Variants in IL1R1 observed in about 807,000 individuals in gnomAD.
IL1R1 encodes interleukin 1 receptor type 1.
A neutral mutation model predicts 50.2 loss-of-function variants in IL1R1; 22 were observed. The observed-to-expected ratio is 0.44, with a 90% CI of 0.31 to 0.63. The LOEUF is 0.63. Among genes scored for constraint, IL1R1 ranks in the 20% least tolerant of loss-of-function variants. IL1R1 has a pLI of 0.07. For synonymous variants in IL1R1, 251 were observed against 236.7 expected, an observed-to-expected ratio of 1.06 and a Z score of -0.55; for missense variants, 509 against 676.2, an observed-to-expected ratio of 0.75 and a Z score of 2.74.
chr2:102,088,783 T>C (rs1015182104), intron 1 of IL1R1, among the ~76,000 whole-genome samples: 1 of 152,246 alleles, frequency 6.6e-6, no homozygotes, highest in Admixed American at 6.5e-5. Context: ...TACCTAGATA[T>C]GTGTAACTTG....
At chr2:102,102,715 G>A (rs10779905), upstream of IL1R1, among the ~76,000 whole-genome samples, 130,427 of 152,134 alleles carry the variant, frequency 0.86, 56,286 homozygotes, top group East Asian at 0.96. Context: ...TCATTACATC[G>A]CTATTCTCAA....
intron 1 of IL1R1, among the ~76,000 whole-genome samples, chr2:102,147,881 G>A (rs796215152): frequency 2.6e-5 from 4 of 152,178 alleles, no homozygotes; most frequent in African/African-American, 9.6e-5. Context: ...TCATATCCTT[G>A]TGCATCCTCA....
At chr2:102,104,657 T>C (rs1019296) in exon 1 of IL1R1, 42,186 of 152,202 alleles carry the variant, frequency 0.28, 7,103 homozygotes, top group Non-Finnish European at 0.36. Flanking sequence ...AGCTGGGGCG[T>C]CCGGCAAGAT....
At chr2:102,170,973 G>A (rs1166698803) in intron 7 of IL1R1, among the ~76,000 whole-genome samples, 1 of 152,156 alleles carries the variant, frequency 6.6e-6, no homozygotes, top group Non-Finnish European at 1.5e-5. Flanking sequence ...AGGCATGAGA[G>A]TCACTTGAAC....
upstream of IL1R1, among the ~76,000 whole-genome samples, chr2:102,103,643 CTG>C (rs1199196312): frequency 1.3e-5 from 2 of 152,080 alleles, no homozygotes; most frequent in Non-Finnish European, 2.9e-5. Context: ...AGGCTGGACT[CTG>C]TATCATGTTG....
chr2:102,081,451 A>T (rs1458185716), intron 1 of IL1R1, among the ~76,000 whole-genome samples: 2 of 152,196 alleles, frequency 1.3e-5, no homozygotes, highest in Non-Finnish European at 2.9e-5. Context: ...GCCTGGCTCC[A>T]CGGTGGTTTC....
intron 1 of IL1R1, among the ~76,000 whole-genome samples, chr2:102,095,734 G>A (rs1416712966): frequency 1.3e-5 from 2 of 152,204 alleles, no homozygotes; most frequent in African/African-American, 2.4e-5. Flanking sequence ...GCCGGGCACG[G>A]TGGCTCACGC....
intron 1 of IL1R1, among the ~76,000 whole-genome samples, chr2:102,144,593 T>G (rs1682953994): frequency 6.6e-6 from 1 of 152,190 alleles, no homozygotes; most frequent in African/African-American, 2.4e-5. Flanking sequence ...TGCCAGGCAC[T>G]GTGGTGAGTG....
intron 1 of IL1R1, among the ~76,000 whole-genome samples, chr2:102,153,329 G>A (rs925233586): frequency 7.9e-5 from 12 of 152,292 alleles, no homozygotes; most frequent in East Asian, 1.9e-4. Context: ...AAAGTGCCAC[G>A]TGCATGTGTT....
Position 102,177,184 on chromosome 2 carries a change from TGAACCG to T in IL1R1, c.*427_*432del. 1 of 192,552 alleles carries T rather than the reference TGAACCG, an allele frequency of 5.2e-6. No homozygotes were observed. The highest frequency in any genetic ancestry group is 5.1e-4 in the Middle Eastern group (1 of 1,976). The allele number at this position is 192,552 out of a possible 1,614,324, so 11.9% of individuals were successfully genotyped here. Reference sequence around the variant, plus strand: ...CTGAGGCTGAGGCAGGAGAATTGCTTGAACCGGGGAGACGGAGGTTGCAGTGAGCCG... The same window carrying T: ...CTGAGGCTGAGGCAGGAGAATTGCTTGGGAGACGGAGGTTGCAGTGAGCCG... On this transcript the variant is annotated 3_prime_UTR_variant, in exon 12 of 12. Transcript: ENST00000410023.
intron 1 of IL1R1, among the ~76,000 whole-genome samples, chr2:102,118,593 T>G (rs1201608640): frequency 6.6e-6 from 1 of 152,218 alleles, no homozygotes; most frequent in African/African-American, 2.4e-5. Context: ...AGGTCTGTGC[T>G]AACTCCAGTT....
intron 1 of IL1R1, among the ~76,000 whole-genome samples, chr2:102,093,960 C>T (rs1042494266): frequency 2.0e-5 from 3 of 152,204 alleles, no homozygotes; most frequent in African/African-American, 7.2e-5. Flanking sequence ...TGCCTCCGTC[C>T]TGAGCTTCAC....
At chr2:102,157,916 G>C (rs1684343092) in intron 3 of IL1R1, 131 bp downstream of exon 3, 2 of 657,836 alleles carry the variant, frequency 3.0e-6, no homozygotes, top group Admixed American at 5.0e-5. Context: ...GAGCCTCCTG[G>C]TCATAGACCT....
At chr2:102,112,669 A>AGAAATGTAGTCATAAAACTT (rs1680837968) in intron 1 of IL1R1, among the ~76,000 whole-genome samples, 1 of 152,216 alleles carries the variant, frequency 6.6e-6, no homozygotes, top group African/African-American at 2.4e-5. Context: ...AGAAAAGTCT[A>AGAAATGTAGTCATAAAACTT]GAAATGTAGT....
intron 1 of IL1R1, among the ~76,000 whole-genome samples, chr2:102,111,684 AG>A (rs1332296403): frequency 3.3e-5 from 5 of 152,242 alleles, no homozygotes; most frequent in Non-Finnish European, 5.9e-5. Flanking sequence ...GAGAGCAGGA[AG>A]GGGACAGTGA....
chr2:102,119,192 G>A (rs1325868220), intron 1 of IL1R1, among the ~76,000 whole-genome samples: 3 of 152,286 alleles, frequency 2.0e-5, no homozygotes, highest in African/African-American at 4.8e-5. Flanking sequence ...GCTGACGTTA[G>A]GTGGTAACTT....
rs1685783406 is a variant in IL1R1 at position 102,172,572 on chromosome 2, T to C, written c.840-115T>C. On this transcript the variant is annotated intron_variant, in intron 8 of 11. Transcript: ENST00000410023. Reference sequence around the variant, plus strand: ...ATGTTGTGACTGTGATTGGGCAGGGTGATTATTTCAGTGGCAATTTTGTCA... The same window carrying C: ...ATGTTGTGACTGTGATTGGGCAGGGCGATTATTTCAGTGGCAATTTTGTCA... 3 of 1,076,250 alleles carry C rather than the reference T, an allele frequency of 2.8e-6. No homozygotes were observed. The South Asian group carries it at 6.8e-5, about 24-fold the overall frequency. The allele number at this position is 1,076,250 out of a possible 1,614,324, so 66.7% of individuals were successfully genotyped here.
chr2:102,082,745 A>C (rs1340440777), intron 1 of IL1R1, among the ~76,000 whole-genome samples: 1 of 152,170 alleles, frequency 6.6e-6, no homozygotes, highest in Non-Finnish European at 1.5e-5. Context: ...GGCTGTCTTC[A>C]CTGAGCTATT....
rs559069896 is a variant in IL1R1 at position 102,086,666 on chromosome 2, C to T, written c.-84+16133C>T. ...AAACTCACTAGTTCTTTATCTGTCA[C>T]TAATCTGCTCTGGGAATCACCTCGT... On this transcript the variant is annotated intron_variant, in intron 1 of 11. Transcript: ENST00000409929. Among the ~76,000 whole-genome samples the T allele has an allele frequency of 3.3e-5, 5 of 152,192 alleles. 1 individual carries two copies. In the East Asian group the frequency reaches 9.7e-4, roughly 29 times the overall value.
Sources: gnomAD v4.1 joint callset for allele counts (sites outside exome capture counted in the v4.1 genomes callset) on GRCh38, gnomAD v4.1.1 for gene constraint, MANE v1.5 for transcripts, NCBI Gene and HGNC (gene_info 2026-07-23, HGNC 2026-07-21) for gene names.